The following ARMC8 variants were observed in gnomAD, a reference collection of about 807,000 sequenced individuals.
ARMC8 encodes armadillo repeat-containing protein 8.
A neutral mutation model predicts 99.3 loss-of-function variants in ARMC8; 20 were observed. The ratio of observed to expected loss-of-function variants is 0.20; its 90% CI spans 0.14 to 0.29. The LOEUF is 0.29. Among genes scored for constraint, ARMC8 ranks in the 10% least tolerant of loss-of-function variants. The pLI is 1.00. For missense variants in ARMC8, 569 were observed against 809.5 expected (o/e 0.70, Z 3.60); for synonymous variants, 263 against 278.3 (o/e 0.95, Z 0.55).
chr3:138,281,859 T>C (rs2049964621), intron 18 of ARMC8, among the ~76,000 whole-genome samples: 1 of 152,210 alleles, frequency 6.6e-6, no homozygotes. Flanking sequence ...TAAAAGTGTT[T>C]ACCATTTCTC....
Position 138,187,455 on chromosome 3 carries a change from C to A in ARMC8, c.-100C>A. On this transcript the variant is annotated 5_prime_UTR_variant, in exon 1 of 22. The change creates a new upstream start codon in the 5' untranslated region. Coordinates refer to ENST00000469044, the MANE Select transcript of ARMC8 (RefSeq NM_001363941.2). ...GCGTGGCCAGTTCTCGTCTATCTGGCTGCCTTTAGGGAGCGGTGCCTAGCG... is the reference window on the plus strand; with the variant it reads ...GCGTGGCCAGTTCTCGTCTATCTGGATGCCTTTAGGGAGCGGTGCCTAGCG... 7.9e-7 allele frequency: 1 copy of A among 1,273,614 alleles called. No individual in the cohort carries two copies. The highest frequency in any genetic ancestry group is 1.1e-6 in the Non-Finnish European group (1 of 914,126). 78.9% of individuals were successfully genotyped at this position (1,273,614 alleles called of 1,614,324 possible).
At chr3:138,188,233 A>T in intron 1 of ARMC8, 1 of 486,936 alleles carries the variant, frequency 2.1e-6, no homozygotes, top group South Asian at 3.0e-5. Context: ...CGCGGCTCTG[A>T]GTCAGAGGAA....
Position 138,296,196 on chromosome 3 carries a change from TTGTG to T in ARMC8, c.*305_*308del, listed in dbSNP as rs1324732259. The T allele has an allele frequency of 1.0e-5, 3 of 299,876 alleles. No homozygotes were observed. The highest frequency in any genetic ancestry group is 4.4e-5 in the African/African-American group (2 of 45,564). The allele number at this position is 299,876 out of a possible 1,614,324, so 18.6% of individuals were successfully genotyped here. A position where few individuals can be genotyped will look rare whatever the true frequency, so the allele number is the denominator to read the frequency against. On this transcript the variant is annotated 3_prime_UTR_variant, in exon 22 of 22. Transcript: ENST00000469044. ...AATTTTTGCCTATGCTGCAGCCACT[TTGTG>T]AGTGAGAATGAATATGTCTGTGTGA... is the stretch of plus-strand genomic sequence containing the variant.
At chr3:138,220,167 A>G (rs946155615) in intron 2 of ARMC8, among the ~76,000 whole-genome samples, 4 of 152,210 alleles carry the variant, frequency 2.6e-5, no homozygotes, top group Admixed American at 1.3e-4. Context: ...TATGCTGATG[A>G]TTAGGAACTA....
intron 3 of ARMC8, 29 bp downstream of exon 3, chr3:138,222,026 CCATT>C: frequency 1.9e-6 from 3 of 1,550,022 alleles, no homozygotes; most frequent in Non-Finnish European, 2.7e-6. Flanking sequence ...CCCTTTCTTG[CCATT>C]CATACTAGTT....
intron 6 of ARMC8, among the ~76,000 whole-genome samples, chr3:138,231,187 T>C (rs1240001997): frequency 6.6e-6 from 1 of 152,210 alleles, no homozygotes; most frequent in Non-Finnish European, 1.5e-5. Flanking sequence ...TTAACAACTT[T>C]ACCGATATAC....
chr3:138,261,308 G>C (rs2047719489), intron 12 of ARMC8: 1 of 152,174 alleles, frequency 6.6e-6, no homozygotes, highest in South Asian at 2.1e-4. Context: ...GTCAAAATTA[G>C]CACAAATGTA....
intron 12 of ARMC8, among the ~76,000 whole-genome samples, chr3:138,253,317 C>G (rs1470957860): frequency 6.6e-6 from 1 of 152,158 alleles, no homozygotes; most frequent in African/African-American, 2.4e-5. Context: ...TTAGCACATT[C>G]TCTCCCTTAA....
At chr3:138,235,181 T>C (rs1381576851) in intron 7 of ARMC8, 67 bp downstream of exon 7, 2 of 1,092,968 alleles carry the variant, frequency 1.8e-6, no homozygotes, top group East Asian at 4.8e-5. Flanking sequence ...CAGACCCACA[T>C]ATTTTTATTG....
chr3:138,199,306 TA>T (rs2043919060), intron 1 of ARMC8, among the ~76,000 whole-genome samples: 1 of 152,074 alleles, frequency 6.6e-6, no homozygotes, highest in Admixed American at 6.5e-5. Flanking sequence ...CAAAACAAAA[TA>T]AAACCAAAAA....
Position 138,245,103 on chromosome 3 carries a change from AAACATGCTCACG to A in ARMC8, c.1058_1069del (p.His353_Glu356del). The A allele has an allele frequency of 6.2e-7, 1 of 1,614,136 alleles. No individual in the cohort carries two copies. The highest frequency in any genetic ancestry group is 8.5e-7 in the Non-Finnish European group (1 of 1,180,002). ...TTCCCCATAGCTTGATCATGATTTA[AAACATGCTCACG>A]AACTCCGCCAGGCTGCATTCAAGCT... On this transcript the variant is annotated inframe_deletion, in exon 12 of 22. Coordinates refer to ENST00000469044, the MANE Select transcript of ARMC8 (RefSeq NM_001363941.2).
chr3:138,205,885 A>G (rs1478077705), intron 1 of ARMC8, among the ~76,000 whole-genome samples: 2 of 152,222 alleles, frequency 1.3e-5, no homozygotes, highest in East Asian at 1.9e-4. Flanking sequence ...AAAAATCCTA[A>G]CAATGACCAA....
chr3:138,265,039 A>G (rs971030882), intron 14 of ARMC8, among the ~76,000 whole-genome samples: 1 of 151,766 alleles, frequency 6.6e-6, no homozygotes, highest in Non-Finnish European at 1.5e-5. Context: ...CTGGGACTAC[A>G]GGTATGTGCC....
intron 6 of ARMC8, among the ~76,000 whole-genome samples, chr3:138,234,489 G>C (rs2046231068): frequency 6.6e-6 from 1 of 152,214 alleles, no homozygotes; most frequent in Non-Finnish European, 1.5e-5. Context: ...CAGTTATGGA[G>C]TGTTGTGTTT....
At chr3:138,232,012 C>G (rs1238431392) in intron 6 of ARMC8, among the ~76,000 whole-genome samples, 1 of 107,628 alleles carries the variant, frequency 9.3e-6, no homozygotes, top group Admixed American at 1.5e-4. Flanking sequence ...GCTCTGTCTT[C>G]CAGGCTAGAG....
intron 1 of ARMC8, among the ~76,000 whole-genome samples, chr3:138,201,627 A>G (rs1010132845): frequency 1.3e-5 from 2 of 150,974 alleles, no homozygotes; most frequent in African/African-American, 4.9e-5. Context: ...ACACCCGGCT[A>G]ATTTTTGTAT....
chr3:138,234,103 T>C (rs2046204231), intron 6 of ARMC8, among the ~76,000 whole-genome samples: 1 of 152,092 alleles, frequency 6.6e-6, no homozygotes, highest in Non-Finnish European at 1.5e-5. Flanking sequence ...CTTTTTTGTT[T>C]TTGTTTTTGT....
In ARMC8 at chr3:138,296,761, A is replaced by G. The variant is rs1054492610; in HGVS notation, c.*869A>G. ...TCACCATAGGCTTTTTGAAGCATCA[A>G]AGGGAAATATAACTACTGATAGTGA... On this transcript the variant is annotated 3_prime_UTR_variant, in exon 22 of 22. Coordinates refer to ENST00000469044, the MANE Select transcript of ARMC8 (RefSeq NM_001363941.2). 3.9e-5 allele frequency: 6 copies of G among 152,240 alleles called. No individual in the cohort carries two copies. The highest frequency in any genetic ancestry group is 1.4e-4 in the African/African-American group (6 of 41,452). The allele number at this position is 152,240 out of a possible 1,614,324, so 9.4% of individuals were successfully genotyped here.
At chr3:138,262,415 T>G (rs1359919220) in intron 12 of ARMC8, 1 of 1,116,786 alleles carries the variant, frequency 9.0e-7, no homozygotes, top group African/African-American at 1.6e-5. Flanking sequence ...CTGTTCTTAA[T>G]AGATGATATT....
Sources: gnomAD v4.1 joint callset for allele counts (sites outside exome capture counted in the v4.1 genomes callset) on GRCh38, gnomAD v4.1.1 for gene constraint, MANE v1.5 for transcripts, NCBI Gene and HGNC (gene_info 2026-07-23, HGNC 2026-07-21) for gene names.